Variants in SCAF8 observed in about 807,000 individuals in gnomAD.
SCAF8 encodes the protein SR-related CTD associated factor 8.
SCAF8 carries 23 observed loss-of-function variants against 140.5 expected under a neutral mutation model. The ratio of observed to expected loss-of-function variants is 0.16; its 90% CI spans 0.12 to 0.23. The LOEUF is 0.23. Among genes scored for constraint, SCAF8 ranks in the 10% least tolerant of loss-of-function variants. SCAF8 has a pLI of 1.00. For synonymous variants in SCAF8, 575 were observed against 528.9 expected (o/e 1.09, Z -1.20); for missense variants, 1,397 against 1,555.7 (o/e 0.90, Z 1.72).
At chr6:154,761,887 C>T (rs1199403571) in intron 1 of SCAF8, among the ~76,000 whole-genome samples, 3 of 152,082 alleles carry the variant, frequency 2.0e-5, no homozygotes, top group Non-Finnish European at 4.4e-5. Flanking sequence ...AGTTTCTGTT[C>T]TTTGGTCCCA....
At chr6:154,826,510 C>G (rs1778571050) in intron 17 of SCAF8, among the ~76,000 whole-genome samples, 2 of 152,066 alleles carry the variant, frequency 1.3e-5, no homozygotes, top group African/African-American at 4.8e-5. Context: ...TTATTTTAGT[C>G]ACTATTTTCT....
chr6:154,793,839 A>AT (rs1554261613), intron 5 of SCAF8, among the ~76,000 whole-genome samples: 1,582 of 142,198 alleles, frequency 0.011, 34 homozygotes, highest in African/African-American at 0.038. Context: ...AAAAAAAAAA[A>AT]TTTTTTTAAA....
intron 8 of SCAF8, among the ~76,000 whole-genome samples, chr6:154,803,856 T>C (rs1273493762): frequency 6.6e-6 from 1 of 152,200 alleles, no homozygotes; most frequent in Non-Finnish European, 1.5e-5. Flanking sequence ...TTGATACATA[T>C]TGGTAAATCT....
chr6:154,778,736 C>T (rs1362730262), intron 3 of SCAF8, among the ~76,000 whole-genome samples: 1 of 150,642 alleles, frequency 6.6e-6, no homozygotes, highest in Non-Finnish European at 1.5e-5. Context: ...TGCACTCCAG[C>T]CTGGGGAACA....
chr6:154,744,597 A>G (rs568273266), intron 1 of SCAF8, among the ~76,000 whole-genome samples: 2 of 152,330 alleles, frequency 1.3e-5, no homozygotes, highest in African/African-American at 2.4e-5. Context: ...ATGCAGTTCT[A>G]TAAGCATTAG....
At chr6:154,785,100 T>C (rs1777212157) in intron 3 of SCAF8, among the ~76,000 whole-genome samples, 2 of 152,250 alleles carry the variant, frequency 1.3e-5, no homozygotes, top group African/African-American at 2.4e-5. Context: ...AATGTAATCC[T>C]ATGGTATGTA....
At chr6:154,760,337 T>C (rs1779071101) in intron 1 of SCAF8, among the ~76,000 whole-genome samples, 1 of 152,200 alleles carries the variant, frequency 6.6e-6, no homozygotes, top group African/African-American at 2.4e-5. Context: ...TTTTCTTCTT[T>C]TTTTTAAAAA....
chr6:154,759,046 C>T (rs1221734521), intron 1 of SCAF8, among the ~76,000 whole-genome samples: 1 of 152,114 alleles, frequency 6.6e-6, no homozygotes, highest in Non-Finnish European at 1.5e-5. Flanking sequence ...GCACAGCCAC[C>T]CACCCCGTCC....
At chr6:154,735,931 GTCC>G (rs1562418055) in intron 1 of SCAF8, among the ~76,000 whole-genome samples, 1 of 151,148 alleles carries the variant, frequency 6.6e-6, no homozygotes. Context: ...GGCCCAAGGG[GTCC>G]TCCTCTCACC....
chr6:154,733,866 TC>T lies in SCAF8; in HGVS notation c.-33del. 1.3e-6 allele frequency: 2 copies of T among 1,542,182 alleles called. No individual in the cohort carries two copies. The highest frequency in any genetic ancestry group is 5.4e-5 in the East Asian group (2 of 37,276). On this transcript the variant is annotated 5_prime_UTR_variant, in exon 1 of 20. Coordinates refer to ENST00000367178, the MANE Select transcript of SCAF8 (RefSeq NM_014892.5). ...ACCCAGTGCAGTGGCCGCCGCCTCT[TC>T]CGCCGCCGGGCTCGGGGCCTCCGCA...
At chr6:154,746,885 T>G (rs988703847) in intron 1 of SCAF8, among the ~76,000 whole-genome samples, 2 of 152,224 alleles carry the variant, frequency 1.3e-5, no homozygotes, top group Non-Finnish European at 2.9e-5. Flanking sequence ...TGTGAAACAT[T>G]AAAGATAAAT....
chr6:154,748,529 CTT>C (rs372335788), intron 1 of SCAF8, among the ~76,000 whole-genome samples: 1 of 148,228 alleles, frequency 6.7e-6, no homozygotes, highest in Non-Finnish European at 1.5e-5. Flanking sequence ...TACCATGTTA[CTT>C]TTTTTTTTGC....
intron 1 of SCAF8, chr6:154,741,910 G>T: frequency 7.5e-7 from 1 of 1,339,528 alleles, no homozygotes; most frequent in East Asian, 2.5e-5. Context: ...AGCTCATTTT[G>T]TCTGGTTTTG....
chr6:154,784,128 T>G lies in SCAF8; in HGVS notation c.160-3733T>G, dbSNP rs1264686096. 6.2e-3 allele frequency among the ~76,000 whole-genome samples: 378 copies of G among 60,582 alleles called. 2 individuals are homozygous for G. The highest frequency in any genetic ancestry group is 0.021 in the African/African-American group (132 of 6,420). The allele number at this position is 60,582 out of a possible 152,430, so 39.7% of individuals were successfully genotyped here. On this transcript the variant is annotated intron_variant, in intron 3 of 19. Coordinates refer to ENST00000367178, the MANE Select transcript of SCAF8 (RefSeq NM_014892.5). The stretch of plus-strand genomic sequence containing the variant: ...TATCTCTGGTGTCTTGAGATATATA[T>G]ATATATATATATATATATATATATA...
At chr6:154,823,369 G>A (rs1778476331) in intron 16 of SCAF8, among the ~76,000 whole-genome samples, 1 of 152,216 alleles carries the variant, frequency 6.6e-6, no homozygotes, top group Non-Finnish European at 1.5e-5. Flanking sequence ...AGGGAGACCA[G>A]TTAAAAGACA....
intron 1 of SCAF8, among the ~76,000 whole-genome samples, chr6:154,759,421 C>A (rs1450564277): frequency 6.6e-6 from 1 of 152,016 alleles, no homozygotes; most frequent in Non-Finnish European, 1.5e-5. Context: ...TAGATCTCTT[C>A]TTTTTTAACA....
chr6:154,806,669 AC>A (rs1396026029), intron 9 of SCAF8, among the ~76,000 whole-genome samples: 5 of 152,298 alleles, frequency 3.3e-5, no homozygotes, highest in African/African-American at 1.2e-4. Flanking sequence ...TCTGAACTTG[AC>A]TTTTTAATGC....
At chr6:154,811,877 T>G (rs144690265) in intron 12 of SCAF8, among the ~76,000 whole-genome samples, 82 of 152,314 alleles carry the variant, frequency 5.4e-4, no homozygotes, top group African/African-American at 1.9e-3. Context: ...CTCATCCTTT[T>G]TTATGGCTGC....
chr6:154,799,688 A>G (rs1777712989), intron 6 of SCAF8, among the ~76,000 whole-genome samples: 1 of 151,200 alleles, frequency 6.6e-6, no homozygotes, highest in African/African-American at 2.4e-5. Context: ...AGTTTTTTAT[A>G]CTGAAAACCC....
Sources: allele counts gnomAD v4.1 joint callset (sites outside exome capture counted in the v4.1 genomes callset), GRCh38; gene constraint gnomAD v4.1.1; transcripts MANE v1.5; gene names NCBI Gene and HGNC (gene_info 2026-07-23, HGNC 2026-07-21).